Variants in SNTG1 observed in about 807,000 individuals in gnomAD.
SNTG1 encodes syntrophin gamma 1, also known as gamma-1-syntrophin.
SNTG1 carries 39 observed loss-of-function variants against 74.7 expected under a neutral mutation model. That is an observed-to-expected ratio of 0.52 (90% CI 0.40 to 0.68). The LOEUF (loss-of-function observed/expected upper bound fraction) is 0.68, where lower values mean the gene tolerates loss of function less well. SNTG1 is among the 30% of genes least tolerant of loss of function. SNTG1 has a pLI of 0.00. For missense variants in SNTG1, 685 were observed against 609.5 expected, an observed-to-expected ratio of 1.12 and a Z score of -1.30; for synonymous variants, 254 against 217.1, an observed-to-expected ratio of 1.17 and a Z score of -1.49.
At chr8:50,020,211 C>G (rs184563888) in intron 1 of SNTG1, among the ~76,000 whole-genome samples, 1 of 152,252 alleles carries the variant, frequency 6.6e-6, no homozygotes, top group Admixed American at 6.5e-5. Flanking sequence ...TCCCCTCCTC[C>G]TCTTTTATCT....
intron 2 of SNTG1, among the ~76,000 whole-genome samples, chr8:50,193,108 G>T (rs889188388): frequency 6.6e-6 from 1 of 151,850 alleles, no homozygotes; most frequent in Non-Finnish European, 1.5e-5. Context: ...TGTTCTTTTT[G>T]CTTAGTCTGC....
intron 1 of SNTG1, among the ~76,000 whole-genome samples, chr8:50,147,947 G>A (rs1448440478): frequency 6.6e-6 from 1 of 152,086 alleles, no homozygotes; most frequent in Non-Finnish European, 1.5e-5. Flanking sequence ...TAGAGGATAA[G>A]CATAATGCAT....
intron 18 of SNTG1, among the ~76,000 whole-genome samples, chr8:50,779,016 T>A (rs2095649997): frequency 6.6e-6 from 1 of 152,166 alleles, no homozygotes; most frequent in Non-Finnish European, 1.5e-5. Context: ...TAGTTGTAGA[T>A]ATGCGGCGTT....
At chr8:49,968,542 A>C (rs1308414030) in intron 1 of SNTG1, among the ~76,000 whole-genome samples, 1 of 152,208 alleles carries the variant, frequency 6.6e-6, no homozygotes, top group Non-Finnish European at 1.5e-5. Flanking sequence ...GGATAAGGGC[A>C]AGAACTTGTA....
At chr8:50,638,256 C>A (rs2095051326) in intron 13 of SNTG1, among the ~76,000 whole-genome samples, 1 of 152,052 alleles carries the variant, frequency 6.6e-6, no homozygotes, top group African/African-American at 2.4e-5. Flanking sequence ...GGACCTGTTT[C>A]ATATTTCATG....
At position 50,044,614 on chromosome 8, in the gene SNTG1, T is replaced by C. The variant is rs2130838770; in HGVS notation, c.-102-127947T>C. 1.3e-5 allele frequency among the ~76,000 whole-genome samples: 2 copies of C among 152,328 alleles called. 1 individual carries two copies. Among genetic ancestry groups the C allele is most frequent in the South Asian group, 4.1e-4 (2 of 4,830 alleles). On this transcript the variant is annotated intron_variant, in intron 1 of 18. Coordinates refer to ENST00000642720, the MANE Select transcript of SNTG1 (RefSeq NM_018967.5). ...TAGAACCTGGACTTCTTAATCGCTC[T>C]GTAAAATAATCTGGAATAAACTCTG...
chr8:50,255,213 A>C (rs2086828172), intron 2 of SNTG1, among the ~76,000 whole-genome samples: 1 of 152,120 alleles, frequency 6.6e-6, no homozygotes. Flanking sequence ...TTGTAATTAT[A>C]ATGTCAGACT....
chr8:50,733,756 C>T (rs968269174), intron 17 of SNTG1, among the ~76,000 whole-genome samples: 4 of 151,636 alleles, frequency 2.6e-5, no homozygotes, highest in East Asian at 1.9e-4. Flanking sequence ...TCGTGTCCTT[C>T]GTCTATTTTT....
intron 16 of SNTG1, among the ~76,000 whole-genome samples, chr8:50,705,869 T>C (rs141339254): frequency 6.6e-6 from 1 of 152,268 alleles, no homozygotes; most frequent in East Asian, 1.9e-4. Context: ...TGTGGACAAA[T>C]TAAAAGGTTT....
intron 1 of SNTG1, among the ~76,000 whole-genome samples, chr8:50,059,619 C>A (rs1040201446): frequency 6.6e-6 from 1 of 152,076 alleles, no homozygotes; most frequent in African/African-American, 2.4e-5. Flanking sequence ...TGATTCACTT[C>A]TTTCACTTAG....
intron 1 of SNTG1, among the ~76,000 whole-genome samples, chr8:50,081,147 A>C (rs118040011): frequency 6.6e-6 from 1 of 152,256 alleles, no homozygotes; most frequent in South Asian, 2.1e-4. Context: ...TTTTCTGTCA[A>C]CTTGAATTCA....
intron 8 of SNTG1, among the ~76,000 whole-genome samples, chr8:50,455,932 A>G (rs549540773): frequency 6.6e-6 from 1 of 152,338 alleles, no homozygotes; most frequent in Admixed American, 6.5e-5. Context: ...CATACTGGAT[A>G]GTTTTTCTTT....
At chr8:50,305,238 T>C (rs368659537) in intron 2 of SNTG1, among the ~76,000 whole-genome samples, 3 of 152,294 alleles carry the variant, frequency 2.0e-5, no homozygotes, top group East Asian at 1.9e-4. Flanking sequence ...TTAAGTATAT[T>C]ACTGCATTTT....
At chr8:50,219,669 G>T (rs1414368599) in intron 2 of SNTG1, among the ~76,000 whole-genome samples, 2 of 152,096 alleles carry the variant, frequency 1.3e-5, no homozygotes. Flanking sequence ...AATCTCATGA[G>T]AACTCACTCA....
At chr8:50,256,718 A>G (rs907365979) in intron 2 of SNTG1, among the ~76,000 whole-genome samples, 2 of 152,114 alleles carry the variant, frequency 1.3e-5, no homozygotes, top group African/African-American at 2.4e-5. Context: ...CTGCATTTTT[A>G]AGAAATCAAT....
chr8:50,084,530 A>G (rs115459771), intron 1 of SNTG1, among the ~76,000 whole-genome samples: 1,560 of 152,344 alleles, frequency 0.01, 25 homozygotes, highest in African/African-American at 0.035. Context: ...ACCAAAATCT[A>G]TATGACCTCA....
chr8:50,205,658 A>G (rs1006996714), intron 2 of SNTG1, among the ~76,000 whole-genome samples: 2 of 152,160 alleles, frequency 1.3e-5, no homozygotes, highest in African/African-American at 4.8e-5. Context: ...TATGTCCTGA[A>G]TGGTATTCCC....
chr8:50,365,874 T>G (rs925507958), intron 2 of SNTG1, among the ~76,000 whole-genome samples: 2 of 152,180 alleles, frequency 1.3e-5, no homozygotes, highest in Admixed American at 6.5e-5. Context: ...CATAAATTAT[T>G]TTGAAAGCTT....
intron 3 of SNTG1, among the ~76,000 whole-genome samples, chr8:50,395,746 C>T (rs1397396130): frequency 6.6e-6 from 1 of 152,148 alleles, no homozygotes; most frequent in African/African-American, 2.4e-5. Context: ...CTCCTGACCT[C>T]GTGATCCACC....
Sources: allele counts gnomAD v4.1 joint callset (sites outside exome capture counted in the v4.1 genomes callset), GRCh38; gene constraint gnomAD v4.1.1; transcripts MANE v1.5; gene names NCBI Gene and HGNC (gene_info 2026-07-23, HGNC 2026-07-21).